The following ACSF3 variants were observed in gnomAD, a reference collection of about 807,000 sequenced individuals.
ACSF3 encodes the protein acyl-CoA synthetase family member 3.
ACSF3 carries 78 observed loss-of-function variants against 53.2 expected under a neutral mutation model. The observed-to-expected ratio is 1.47, with a 90% confidence interval of 1.22 to 1.77. The LOEUF (loss-of-function observed/expected upper bound fraction) is 1.77, where lower values mean the gene tolerates loss of function less well. Ranked by LOEUF, ACSF3 falls within the 40% of genes most tolerant of loss-of-function variation. The probability of loss-of-function intolerance (pLI) is 0.00; values close to 1 mark genes in which losing one functional copy is unlikely to be tolerated. For synonymous variants in ACSF3, 414 were observed against 333.1 expected (o/e 1.24, Z -2.65); for missense variants, 937 against 771.1 (o/e 1.22, Z -2.55).
chr16:89,102,446 T>C, intron 3 of ACSF3, 158 bp from the exon 4 acceptor site: 2 of 816,806 alleles, frequency 2.4e-6, no homozygotes, highest in South Asian at 3.0e-5. Flanking sequence ...GTCGTCATCT[T>C]GAGAGGCTGC....
At chr16:89,145,818 T>G in intron 9 of ACSF3, 120 bp from the exon 10 acceptor site, 1 of 909,240 alleles carries the variant, frequency 1.1e-6, no homozygotes, top group Non-Finnish European at 1.8e-6. Flanking sequence ...GTGGGGCCTG[T>G]CCAAGGACGG....
At chr16:89,145,519 T>A in intron 9 of ACSF3, 118 bp downstream of exon 9, 1 of 1,274,708 alleles carries the variant, frequency 7.8e-7, no homozygotes, top group African/African-American at 1.5e-5. Context: ...GGGGTCCCTG[T>A]GATGCTCACC....
At chr16:89,109,078 C>CAA in intron 4 of ACSF3, among the ~76,000 whole-genome samples, 1 of 151,762 alleles carries the variant, frequency 6.6e-6, no homozygotes, top group Non-Finnish European at 1.5e-5. Flanking sequence ...ACTAAAAATA[C>CAA]AAAATTAGCC....
At chr16:89,150,713 G>A (rs1469231447) in intron 10 of ACSF3, 5 of 322,802 alleles carry the variant, frequency 1.5e-5, no homozygotes, top group African/African-American at 6.5e-5. Flanking sequence ...CAGCCATGCG[G>A]TCACAGCCCA....
intron 6 of ACSF3, among the ~76,000 whole-genome samples, chr16:89,120,322 G>C (rs1713985453): frequency 1.3e-5 from 2 of 152,256 alleles, no homozygotes; most frequent in Admixed American, 1.3e-4. Flanking sequence ...ACATAGGGCA[G>C]ATCCTGCCTT....
At chr16:89,145,674 G>A (rs1458312922) in intron 9 of ACSF3, among the ~76,000 whole-genome samples, 1 of 152,228 alleles carries the variant, frequency 6.6e-6, no homozygotes, top group Non-Finnish European at 1.5e-5. Flanking sequence ...CAGGAAGGTG[G>A]CAGGGAGAGT....
intron 7 of ACSF3, among the ~76,000 whole-genome samples, chr16:89,125,927 A>G (rs1359301908): frequency 1.3e-5 from 2 of 152,002 alleles, no homozygotes; most frequent in East Asian, 3.8e-4. Context: ...GTGTCTCTCC[A>G]TTTACGTAGA....
chr16:89,136,515 C>A, intron 8 of ACSF3: 1 of 1,245,524 alleles, frequency 8.0e-7, no homozygotes, highest in Non-Finnish European at 1.0e-6. Context: ...AAATAGAAAT[C>A]AGGAGAAATT....
At chr16:89,117,081 C>A (rs1445985354) in intron 6 of ACSF3, among the ~76,000 whole-genome samples, 4 of 152,190 alleles carry the variant, frequency 2.6e-5, no homozygotes, top group African/African-American at 9.7e-5. Flanking sequence ...AGGCTGCAGG[C>A]TGCAGGCAAG....
At chr16:89,095,001 T>A (rs554845463) in intron 1 of ACSF3, among the ~76,000 whole-genome samples, 11 of 152,348 alleles carry the variant, frequency 7.2e-5, no homozygotes, top group Admixed American at 2.0e-4. Flanking sequence ...GAACACGAAT[T>A]GTGTCTGGGG....
intron 8 of ACSF3, among the ~76,000 whole-genome samples, chr16:89,144,296 G>A (rs1391854156): frequency 6.6e-6 from 1 of 152,264 alleles, no homozygotes; most frequent in Non-Finnish European, 1.5e-5. Context: ...ACTGCACGGG[G>A]AGGAGCAAGG....
At chr16:89,096,046 G>A (rs939842549) in intron 1 of ACSF3, among the ~76,000 whole-genome samples, 7 of 152,230 alleles carry the variant, frequency 4.6e-5, no homozygotes, top group East Asian at 1.9e-4. Context: ...CTAGAACACC[G>A]AGAGGTCCTG....
intron 8 of ACSF3, among the ~76,000 whole-genome samples, chr16:89,142,704 C>G (rs562676027): frequency 2.5e-3 from 382 of 151,628 alleles, no homozygotes; most frequent in Middle Eastern, 0.014. Context: ...GAGATACAGG[C>G]ACACCTGCAG....
intron 4 of ACSF3, among the ~76,000 whole-genome samples, chr16:89,110,669 A>G (rs1338683160): frequency 6.6e-6 from 1 of 152,214 alleles, no homozygotes; most frequent in Admixed American, 6.5e-5. Flanking sequence ...AACGTAGGAT[A>G]AGTGTATCAA....
At chr16:89,138,994 G>A (rs927712639) in intron 8 of ACSF3, among the ~76,000 whole-genome samples, 4 of 152,164 alleles carry the variant, frequency 2.6e-5, no homozygotes, top group East Asian at 3.9e-4. Context: ...TGCGGTCCCC[G>A]CATCCCGAGG....
intron 6 of ACSF3, among the ~76,000 whole-genome samples, chr16:89,119,544 C>G (rs1906098867): frequency 6.6e-6 from 1 of 152,148 alleles, no homozygotes; most frequent in Non-Finnish European, 1.5e-5. Context: ...ATGCGGGTTT[C>G]ACCCCCATTT....
chr16:89,153,972 G>A lies in ACSF3; in HGVS notation c.1614-118G>A, dbSNP rs113364969. 1,131 of 1,073,222 alleles carry A rather than the reference G, an allele frequency of 1.1e-3. 5 individuals carry two copies. In the African/African-American group the frequency reaches 0.013, roughly 13 times the overall value. 66.5% of individuals were successfully genotyped at this position (1,073,222 alleles called of 1,614,324 possible). A position where few individuals can be genotyped will look rare whatever the true frequency, so the allele number is the denominator to read the frequency against. ...GCACCTGCCTGGCCTCAGGATGGCCGAGGCGCCTGGCAAGGCTGCAGGGTC... is the reference window on the plus strand; with the variant it reads ...GCACCTGCCTGGCCTCAGGATGGCCAAGGCGCCTGGCAAGGCTGCAGGGTC... On this transcript the variant is annotated intron_variant, in intron 10 of 10. Transcript: ENST00000614302.
intron 10 of ACSF3, 140 bp from the exon 11 acceptor site, chr16:89,153,950 C>A (rs1214973954): frequency 4.9e-6 from 4 of 824,498 alleles, no homozygotes; most frequent in Non-Finnish European, 7.9e-6. Context: ...GCCCGGTGCA[C>A]CTGCCTGGCC....
rs776762660 is a variant in ACSF3 at position 89,145,980 on chromosome 16, G to A, written c.1544G>A (p.Arg515Gln). The change falls in exon 10 of 11, where the codon CGG becomes CAG. Residue 515 changes from arginine (R) to glutamine (Q), a missense_variant. Arg to Gln is a conservative substitution (Grantham distance 43). Coordinates refer to ENST00000614302, the MANE Select transcript of ACSF3 (RefSeq NM_001243279.3). Reference sequence around the variant, plus strand: ...GTTCCGGATATGACATGGGGCCAGCGGGTCACTGCTGTGGTGACCCTCCGA... The same window carrying A: ...GTTCCGGATATGACATGGGGCCAGCAGGTCACTGCTGTGGTGACCCTCCGA... ...IGVPDMTWGQ[R>Q]VTAVVTLREG... The A allele has an allele frequency of 1.7e-5, 27 of 1,613,990 alleles. No homozygotes were observed. The highest frequency in any genetic ancestry group is 8.0e-5 in the African/African-American group (6 of 74,914).
Sources: gnomAD v4.1 joint callset for allele counts (sites outside exome capture counted in the v4.1 genomes callset) on GRCh38, gnomAD v4.1.1 for gene constraint, MANE v1.5 for transcripts, NCBI Gene and HGNC (gene_info 2026-07-23, HGNC 2026-07-21) for gene names.